Variants in TNFRSF11A observed in about 807,000 individuals in gnomAD.
TNFRSF11A encodes tumor necrosis factor receptor superfamily member 11A.
TNFRSF11A carries 32 observed loss-of-function variants against 55.7 expected under a neutral mutation model. The ratio of observed to expected loss-of-function variants is 0.57; its 90% CI spans 0.43 to 0.77. The LOEUF (loss-of-function observed/expected upper bound fraction) is 0.77, where lower values mean the gene tolerates loss of function less well. Ranked by LOEUF, TNFRSF11A falls within the 30% of genes least tolerant of loss-of-function variation. TNFRSF11A has a pLI of 0.00. For missense variants in TNFRSF11A, 753 were observed against 809.8 expected, an observed-to-expected ratio of 0.93 and a Z score of 0.85; for synonymous variants, 311 against 331.0, an observed-to-expected ratio of 0.94 and a Z score of 0.65.
intron 1 of TNFRSF11A, chr18:62,336,880 A>T (rs2046241645): frequency 6.6e-6 from 1 of 152,268 alleles, no homozygotes; most frequent in African/African-American, 2.4e-5. Flanking sequence ...TTTCTTTTCA[A>T]GGAGCAGAGA....
intron 7 of TNFRSF11A, 62 bp from the exon 8 acceptor site, chr18:62,366,646 T>G: frequency 2.6e-6 from 4 of 1,539,916 alleles, no homozygotes; most frequent in Non-Finnish European, 3.6e-6. Flanking sequence ...TAACCTTTAT[T>G]TAAAAGAAAA....
At chr18:62,341,960 T>C (rs1296172978) in intron 1 of TNFRSF11A, among the ~76,000 whole-genome samples, 1 of 148,606 alleles carries the variant, frequency 6.7e-6, no homozygotes, top group East Asian at 2.0e-4. Flanking sequence ...CTGCCCTGGG[T>C]AGAAAAATCC....
intron 4 of TNFRSF11A, chr18:62,357,876 C>T (rs1385563904): frequency 3.4e-6 from 1 of 296,946 alleles, no homozygotes; most frequent in African/African-American, 2.2e-5. Context: ...CAGGAGCAGT[C>T]AACATCGGCT....
At chr18:62,367,739 T>C (rs1482637805) in intron 8 of TNFRSF11A, among the ~76,000 whole-genome samples, 1 of 151,998 alleles carries the variant, frequency 6.6e-6, no homozygotes, top group Non-Finnish European at 1.5e-5. Flanking sequence ...TAAATTTTCA[T>C]TAATTATTTC....
rs902791808 is a variant in TNFRSF11A, at chr18:62,344,765, G to A, written c.76-3403G>A. ...GTTAATGGTGAAATGGTAGACATCAGAACCAGAATACTGTAGGCAAAATGA... is the reference window on the plus strand; with the variant it reads ...GTTAATGGTGAAATGGTAGACATCAAAACCAGAATACTGTAGGCAAAATGA... On this transcript the variant is annotated intron_variant, in intron 1 of 9. Transcript: ENST00000586569. 2.6e-5 allele frequency among the ~76,000 whole-genome samples: 4 copies of A among 152,210 alleles called. No individual in the cohort carries two copies. In the South Asian group the frequency reaches 8.3e-4, roughly 31 times the overall value.
At chr18:62,332,361 C>T (rs918877396) in intron 1 of TNFRSF11A, among the ~76,000 whole-genome samples, 3 of 152,182 alleles carry the variant, frequency 2.0e-5, no homozygotes, top group African/African-American at 7.2e-5. Context: ...GTAAAAGAGA[C>T]GTTTAAAGGC....
chr18:62,382,236 A>G (rs1427934108), intron 9 of TNFRSF11A, among the ~76,000 whole-genome samples: 3 of 148,330 alleles, frequency 2.0e-5, no homozygotes, highest in Non-Finnish European at 4.4e-5. Flanking sequence ...TCAGCCTCCT[A>G]AGTAGCTGGG....
At position 62,337,598 on chromosome 18, in the gene TNFRSF11A, C is replaced by T. The variant is rs563601537; in HGVS notation, c.76-10570C>T. On this transcript the variant is annotated intron_variant, in intron 1 of 9. Coordinates refer to ENST00000586569, the MANE Select transcript of TNFRSF11A (RefSeq NM_003839.4). ...TCCACCTGTAATCCTCCTCCTGGCACGTGCTGTACATTTGGCTTGTTCCCT... is the reference window on the plus strand; with the variant it reads ...TCCACCTGTAATCCTCCTCCTGGCATGTGCTGTACATTTGGCTTGTTCCCT... 8.5e-5 allele frequency among the ~76,000 whole-genome samples: 13 copies of T among 152,326 alleles called. No homozygotes were observed. The South Asian group carries it at 1.0e-3, about 12-fold the overall frequency.
At chr18:62,354,574 C>A in intron 4 of TNFRSF11A, 40 bp downstream of exon 4, 1 of 1,599,556 alleles carries the variant, frequency 6.3e-7, no homozygotes. Flanking sequence ...TCTTGCTGAG[C>A]CATGCAAAGC....
chr18:62,355,967 A>G (rs1909222566), intron 4 of TNFRSF11A, among the ~76,000 whole-genome samples: 1 of 152,224 alleles, frequency 6.6e-6, no homozygotes, highest in African/African-American at 2.4e-5. Context: ...AAGCTCACCT[A>G]CTGATGTGAT....
intron 9 of TNFRSF11A, chr18:62,374,132 T>C (rs1288392221): frequency 6.6e-6 from 1 of 152,244 alleles, no homozygotes; most frequent in Non-Finnish European, 1.5e-5. Flanking sequence ...CTGGTGATAA[T>C]ATTCAGCTTT....
intron 9 of TNFRSF11A, among the ~76,000 whole-genome samples, chr18:62,377,816 G>A (rs972450908): frequency 3.0e-4 from 46 of 152,310 alleles, no homozygotes; most frequent in African/African-American, 1.0e-3. Context: ...GGCTTTTGCA[G>A]ATATTTTCTT....
At chr18:62,341,323 C>A (rs758001298) in intron 1 of TNFRSF11A, among the ~76,000 whole-genome samples, 1 of 152,204 alleles carries the variant, frequency 6.6e-6, no homozygotes. Context: ...TGCTTTTTAA[C>A]GCATGCATTT....
At chr18:62,384,654 G>T (rs1433067227) in intron 9 of TNFRSF11A, 97 bp from the exon 10 acceptor site, 3 of 1,464,758 alleles carry the variant, frequency 2.0e-6, no homozygotes, top group Admixed American at 3.9e-5. Flanking sequence ...TGGGAATCCG[G>T]GGAGCCGCCC....
intron 4 of TNFRSF11A, among the ~76,000 whole-genome samples, chr18:62,355,184 T>C (rs1454123033): frequency 6.6e-6 from 1 of 152,230 alleles, no homozygotes; most frequent in Non-Finnish European, 1.5e-5. Flanking sequence ...TCCTGATATA[T>C]TTTTTATGCT....
At position 62,385,043 on chromosome 18, in the gene TNFRSF11A, C is replaced by A. The variant is rs1381934075; in HGVS notation, c.*9C>A. The A allele has an allele frequency of 1.7e-5, 25 of 1,467,670 alleles. No individual in the cohort carries two copies. The African/African-American group carries it at 3.4e-4, about 20-fold the overall frequency. The allele number at this position is 1,467,670 out of a possible 1,614,324, so 90.9% of individuals were successfully genotyped here. On this transcript the variant is annotated 3_prime_UTR_variant, in exon 10 of 10. Coordinates refer to ENST00000586569, the MANE Select transcript of TNFRSF11A (RefSeq NM_003839.4). The stretch of plus-strand genomic sequence containing the variant: ...GCGGGGCCAAGGCTTGAGCGCCCCC[C>A]ATGGCTGGGAGCCCGAAGCTCGGAG...
chr18:62,384,275 C>T (rs1911500201), intron 9 of TNFRSF11A, among the ~76,000 whole-genome samples: 1 of 149,724 alleles, frequency 6.7e-6, no homozygotes, highest in Non-Finnish European at 1.5e-5. Context: ...CCTCCTCCTC[C>T]TCTTCCTCTC....
intron 1 of TNFRSF11A, among the ~76,000 whole-genome samples, chr18:62,343,215 A>C (rs4369774): frequency 0.56 from 84,665 of 152,030 alleles, 23,618 homozygotes; most frequent in East Asian, 0.63. Flanking sequence ...AATATAGTCA[A>C]GGATGATATT....
intron 9 of TNFRSF11A, among the ~76,000 whole-genome samples, chr18:62,376,840 T>C (rs1209741321): frequency 2.0e-5 from 3 of 152,204 alleles, no homozygotes; most frequent in Non-Finnish European, 4.4e-5. Flanking sequence ...TTCTATAGCC[T>C]TTTCAGATTG....
Sources: gnomAD v4.1 joint callset for allele counts (sites outside exome capture counted in the v4.1 genomes callset) on GRCh38, gnomAD v4.1.1 for gene constraint, MANE v1.5 for transcripts, NCBI Gene and HGNC (gene_info 2026-07-23, HGNC 2026-07-21) for gene names.